INTS6: variants seen among roughly 807,000 people sequenced by gnomAD.
INTS6 encodes the protein DEAD box protein.
In INTS6, 16 loss-of-function variants were observed where a neutral mutation model predicts 104.9. The observed-to-expected ratio is 0.15, with a 90% confidence interval of 0.10 to 0.23. The LOEUF (loss-of-function observed/expected upper bound fraction) is 0.23. Among genes scored for constraint, INTS6 ranks in the 10% least tolerant of loss-of-function variants. The pLI, the probability that INTS6 is intolerant of heterozygous loss-of-function variation, is 1.00. For missense variants in INTS6, 584 were observed against 1,062.8 expected (o/e 0.55, Z 6.26); for synonymous variants, 324 against 358.7 (o/e 0.90, Z 1.09).
At chr13:51,339,244 G>A in the INTS6 span, 4 of 152,208 alleles carry the variant, frequency 2.6e-5, no homozygotes, top group Admixed American at 2.0e-4. Context: ...CTCTTTTGCA[G>A]AATTTCTTTT....
rs555179918 is a variant in INTS6, at chr13:51,452,598, C to T, written c.-73G>A. 8 of 1,545,226 alleles carry T rather than the reference C, an allele frequency of 5.2e-6. No homozygotes were observed. In the Admixed American group the frequency reaches 1.3e-4, roughly 25 times the overall value. On this transcript the variant is annotated 5_prime_UTR_variant, in exon 1 of 18. Transcript: ENST00000311234. The surrounding 1 kb of genome is among the most constrained non-coding windows in gnomAD (Gnocchi z 4.2). The stretch of plus-strand genomic sequence containing the variant: ...ATGGTAGAGGTGGAGGCGCCGGTGG[C>T]GGCGACCGCCGCTACGCGGGGCGGG...
downstream of INTS6, among the ~76,000 whole-genome samples, chr13:51,349,913 C>T (rs1314088847): frequency 6.6e-6 from 1 of 152,058 alleles, no homozygotes; most frequent in African/African-American, 2.4e-5. Context: ...GTAAAACTAA[C>T]CAAGTTTTTT....
the INTS6 span, among the ~76,000 whole-genome samples, chr13:51,338,133 A>G: frequency 6.6e-6 from 1 of 152,196 alleles, no homozygotes; most frequent in Non-Finnish European, 1.5e-5. Flanking sequence ...TAGAAGTTAC[A>G]CAAACAACCT....
downstream of INTS6, among the ~76,000 whole-genome samples, chr13:51,349,687 C>G (rs1204273468): frequency 1.3e-5 from 2 of 152,186 alleles, no homozygotes; most frequent in African/African-American, 4.8e-5. Context: ...CTCCACCGTC[C>G]TGATTCTGCT....
intron 3 of INTS6, among the ~76,000 whole-genome samples, chr13:51,355,376 T>G (rs551014169): frequency 4.7e-4 from 72 of 152,300 alleles, no homozygotes; most frequent in African/African-American, 1.6e-3. Flanking sequence ...ACCTTCACCA[T>G]GGGGTCAATG....
chr13:51,359,184 A>G (rs1955523997), downstream of INTS6, among the ~76,000 whole-genome samples: 1 of 152,094 alleles, frequency 6.6e-6, no homozygotes, highest in Non-Finnish European at 1.5e-5. Context: ...GGGAGTAGAA[A>G]AAGACCAGGA....
intron 4 of INTS6, among the ~76,000 whole-genome samples, chr13:51,406,834 T>G (rs1956576875): frequency 6.6e-6 from 1 of 152,122 alleles, no homozygotes. Flanking sequence ...TAGCCCAGTA[T>G]GGTTTTGAAT....
chr13:51,424,259 A>ATTAGTTAC (rs1328926846), intron 4 of INTS6, among the ~76,000 whole-genome samples: 1 of 152,034 alleles, frequency 6.6e-6, no homozygotes, highest in Non-Finnish European at 1.5e-5. Context: ...TAGATAGCGG[A>ATTAGTTAC]TTAGTTACTG....
the INTS6 span, among the ~76,000 whole-genome samples, chr13:51,344,741 G>A: frequency 6.6e-6 from 1 of 151,992 alleles, no homozygotes; most frequent in African/African-American, 2.4e-5. Flanking sequence ...GAGCACACAA[G>A]AACACAGAAT....
the INTS6 span, among the ~76,000 whole-genome samples, chr13:51,334,451 G>T: frequency 6.6e-6 from 1 of 152,092 alleles, no homozygotes; most frequent in South Asian, 2.1e-4. Context: ...GATAGGAGAT[G>T]ATTTTAATAA....
At chr13:51,422,069 T>C (rs188698629) in intron 4 of INTS6, among the ~76,000 whole-genome samples, 29 of 152,294 alleles carry the variant, frequency 1.9e-4, no homozygotes, top group Middle Eastern at 6.8e-3. Context: ...CAAAATATTT[T>C]CCTAAAACAT....
Position 51,452,703 on chromosome 13 carries a change from G to A in INTS6, c.-178C>T. ...GAGTTTCTCCCCCGATAGTTGAGAG[G>A]AAACTCCCCAGACCCAGTGCTCCCC... On this transcript the variant is annotated 5_prime_UTR_variant, in exon 1 of 18. Coordinates refer to ENST00000311234, the MANE Select transcript of INTS6 (RefSeq NM_012141.3). The surrounding 1 kb of genome is among the most constrained non-coding windows in gnomAD (Gnocchi z 4.2). The A allele has an allele frequency of 2.2e-6, 3 of 1,363,918 alleles. No individual in the cohort carries two copies. The highest frequency in any genetic ancestry group is 2.9e-5 in the South Asian group (2 of 67,978). 84.5% of individuals were successfully genotyped at this position (1,363,918 alleles called of 1,614,324 possible). A position where few individuals can be genotyped will look rare whatever the true frequency, so the allele number is the denominator to read the frequency against.
intron 4 of INTS6, among the ~76,000 whole-genome samples, chr13:51,420,750 C>G (rs964017459): frequency 2.1e-5 from 3 of 143,442 alleles, no homozygotes; most frequent in African/African-American, 7.8e-5. Flanking sequence ...ACCTTGCTAG[C>G]TAAATTAAAA....
downstream of INTS6, among the ~76,000 whole-genome samples, chr13:51,351,534 G>A (rs759878675): frequency 6.6e-6 from 1 of 152,040 alleles, no homozygotes; most frequent in Non-Finnish European, 1.5e-5. Context: ...CTGGATACTA[G>A]TACCTTAACA....
intron 3 of INTS6, chr13:51,444,350 C>A (rs1395457845): frequency 6.8e-6 from 1 of 147,002 alleles, no homozygotes; most frequent in African/African-American, 2.5e-5. Flanking sequence ...AGTGATCCAC[C>A]TGCTTTAGCC....
intron 5 of INTS6, among the ~76,000 whole-genome samples, chr13:51,390,932 C>A (rs575643242): frequency 1.3e-5 from 2 of 152,152 alleles, no homozygotes; most frequent in South Asian, 4.1e-4. Context: ...AACACTAAGG[C>A]ACAGAGAGGC....
In INTS6 at chr13:51,376,029, A is replaced by G. The variant is rs760812155; in HGVS notation, c.1729+19T>C. 6.5e-5 allele frequency: 103 copies of G among 1,581,476 alleles called. No homozygotes were observed. Among genetic ancestry groups the G allele is most frequent in the Non-Finnish European group, 8.1e-5 (95 of 1,168,082 alleles). ...AAGAAAAAAAATTAAAAATACCAGT[A>G]TTGAAACTATGTTCTAACCTTCGTC... On this transcript the variant is annotated intron_variant, in intron 13 of 17. Transcript: ENST00000311234.
At chr13:51,368,471 C>A (rs1449194846) in intron 16 of INTS6, among the ~76,000 whole-genome samples, 2 of 152,130 alleles carry the variant, frequency 1.3e-5, no homozygotes, top group Non-Finnish European at 2.9e-5. Context: ...CTTTTTCCCA[C>A]GAAGTTCTTT....
chr13:51,337,018 T>C, the INTS6 span, among the ~76,000 whole-genome samples: 1 of 152,350 alleles, frequency 6.6e-6, no homozygotes, highest in East Asian at 1.9e-4. Context: ...CCATTTCCCA[T>C]GAAGTACTTG....
Sources: gnomAD v4.1 joint callset for allele counts (sites outside exome capture counted in the v4.1 genomes callset) on GRCh38, gnomAD v4.1.1 for gene constraint, Gnocchi (gnomAD v3.1) non-coding constraint, MANE v1.5 for transcripts, NCBI Gene and HGNC (gene_info 2026-07-23, HGNC 2026-07-21) for gene names.